EPHA4: variants seen among roughly 807,000 people sequenced by gnomAD.
EPHA4 encodes ephrin type-A receptor 4.
Under a neutral mutation model 108.3 loss-of-function variants are expected in EPHA4, and 19 were observed. That is an observed-to-expected ratio of 0.18 (90% confidence interval 0.12 to 0.26). The LOEUF is 0.26. EPHA4 is among the 10% of genes least tolerant of loss of function. EPHA4 has a pLI of 1.00. For missense variants in EPHA4, 917 were observed against 1,254.0 expected (o/e 0.73, Z 4.06); for synonymous variants, 449 against 455.5 (o/e 0.99, Z 0.18).
intron 3 of EPHA4, among the ~76,000 whole-genome samples, chr2:221,556,358 G>A (rs1165205807): frequency 2.0e-5 from 3 of 151,992 alleles, no homozygotes; most frequent in Non-Finnish European, 4.4e-5. Context: ...GTGCAGTGGT[G>A]AGATCTTGGT....
chr2:221,493,458 A>T (rs1574609148), intron 4 of EPHA4, among the ~76,000 whole-genome samples: 2 of 152,092 alleles, frequency 1.3e-5, no homozygotes, highest in South Asian at 4.2e-4. Context: ...AATAAAAAAT[A>T]AAAAAATAAA....
rs1452981438 is a variant in EPHA4, at chr2:221,420,021, C to T, written c.*1351G>A. ...AAGAGATAGTCAGCTCATATTTAGT[C>T]TAAGAAAAAAATATATTTATATCAC... On this transcript the variant is annotated 3_prime_UTR_variant, in exon 18 of 18. Transcript: ENST00000281821. 6.6e-6 allele frequency: 1 copy of T among 152,594 alleles called. No individual in the cohort carries two copies. Among genetic ancestry groups the T allele is most frequent in the Non-Finnish European group, 1.5e-5 (1 of 68,054 alleles). The allele number at this position is 152,594 out of a possible 1,614,324, so 9.5% of individuals were successfully genotyped here.
intron 9 of EPHA4, among the ~76,000 whole-genome samples, chr2:221,443,815 T>C (rs1248213206): frequency 2.6e-5 from 4 of 152,222 alleles, no homozygotes; most frequent in Non-Finnish European, 5.9e-5. Context: ...CTTTACTGAC[T>C]TCCTGGAATG....
At position 221,421,444 on chromosome 2, in the gene EPHA4, A is replaced by G. The variant is rs376001883; in HGVS notation, c.*820-892T>C. 3.9e-5 allele frequency among the ~76,000 whole-genome samples: 6 copies of G among 152,268 alleles called. No individual in the cohort carries two copies. In the East Asian group the frequency reaches 7.7e-4, roughly 20 times the overall value. On this transcript the variant is annotated intron_variant, in intron 17 of 17. Coordinates refer to ENST00000281821, the MANE Select transcript of EPHA4 (RefSeq NM_004438.5). ...AGAGCCATACTCTCTACATGTAAAC[A>G]GGCAGGAGAGAGGGAACATGGGACA...
rs745528063 is a variant in EPHA4 at position 221,430,049 on chromosome 2, C to A, written c.2599G>T (p.Asp867Tyr). ...ACAATCTGCCCAAATTTAGGCCTGT[C>A]GCTCCTCTCCTTCTGCCAGCAGTCT... ...MLDCWQKERS[D>Y]RPKFGQIVNM... Residue 867 changes from aspartate (D) to tyrosine (Y), a missense_variant, in exon 15 of 18, where the codon GAC becomes TAC. Transcript: ENST00000281821. 6.2e-7 allele frequency: 1 copy of A among 1,614,054 alleles called. No homozygotes were observed. Among genetic ancestry groups the A allele is most frequent in the Non-Finnish European group, 8.5e-7 (1 of 1,180,020 alleles).
At chr2:221,452,749 G>A (rs1011133665) in intron 8 of EPHA4, among the ~76,000 whole-genome samples, 6 of 151,888 alleles carry the variant, frequency 4.0e-5, no homozygotes, top group East Asian at 3.9e-4. Flanking sequence ...AGGAATCATC[G>A]CTAGGTAACT....
intron 13 of EPHA4, among the ~76,000 whole-genome samples, chr2:221,434,899 TA>T (rs11362465): frequency 0.78 from 118,646 of 151,404 alleles, 46,900 homozygotes; most frequent in East Asian, 1. Context: ...GTTATTAAAT[TA>T]AAAAAAAAAG....
At chr2:221,457,706 T>A (rs1691003881) in intron 6 of EPHA4, among the ~76,000 whole-genome samples, 160 bp downstream of exon 6, 1 of 147,682 alleles carries the variant, frequency 6.8e-6, no homozygotes, top group African/African-American at 2.5e-5. Context: ...GGCTAACCCT[T>A]AAACAGAAGG....
intron 3 of EPHA4, among the ~76,000 whole-genome samples, chr2:221,538,057 C>G (rs1693723510): frequency 9.8e-6 from 1 of 102,112 alleles, no homozygotes; most frequent in East Asian, 2.2e-4. Context: ...AAGTATACTG[C>G]CCAGCAAAAC....
chr2:221,544,316 T>C (rs149392671), intron 3 of EPHA4, among the ~76,000 whole-genome samples: 2 of 152,300 alleles, frequency 1.3e-5, no homozygotes, highest in Non-Finnish European at 2.9e-5. Context: ...CTTTCATTTT[T>C]TCATGTTTTA....
At chr2:221,521,845 C>T (rs1445601173) in intron 3 of EPHA4, among the ~76,000 whole-genome samples, 1 of 152,100 alleles carries the variant, frequency 6.6e-6, no homozygotes, top group Non-Finnish European at 1.5e-5. Flanking sequence ...GGCATGATGG[C>T]ACACGCCTGT....
chr2:221,569,187 C>T (rs955983861), intron 1 of EPHA4, among the ~76,000 whole-genome samples: 3 of 151,692 alleles, frequency 2.0e-5, no homozygotes, highest in South Asian at 2.1e-4. Context: ...CAGATGACCA[C>T]ATAACTCATC....
intron 8 of EPHA4, among the ~76,000 whole-genome samples, chr2:221,446,747 T>A (rs1690606119): frequency 6.6e-6 from 1 of 152,170 alleles, no homozygotes; most frequent in Non-Finnish European, 1.5e-5. Context: ...CTGGTTTCAG[T>A]TGCTGCATAC....
intron 3 of EPHA4, among the ~76,000 whole-genome samples, chr2:221,506,765 T>A (rs987652351): frequency 2.0e-5 from 3 of 152,332 alleles, no homozygotes; most frequent in Middle Eastern, 3.4e-3. Context: ...GGGCAAACAT[T>A]TCTGTAAAGA....
rs546402620 is a variant in EPHA4 at position 221,494,655 on chromosome 2, T to C, written c.979+6362A>G. 4.3e-3 allele frequency among the ~76,000 whole-genome samples: 660 copies of C among 152,224 alleles called. 6 individuals are homozygous for C. The highest frequency in any genetic ancestry group is 0.041 in the Middle Eastern group (12 of 294). On this transcript the variant is annotated intron_variant, in intron 4 of 17. Coordinates refer to ENST00000281821, the MANE Select transcript of EPHA4 (RefSeq NM_004438.5). ...AAGTTACTTTAAATATAACATTGAT[T>C]TAGCTTCCCAGTGGGGGAAAAGAAG...
chr2:221,561,355 GAAAC>G (rs1302830979), intron 3 of EPHA4, among the ~76,000 whole-genome samples: 3 of 152,112 alleles, frequency 2.0e-5, no homozygotes, highest in African/African-American at 2.4e-5. Context: ...GGCAATAACA[GAAAC>G]AAACAACCAA....
intron 8 of EPHA4, among the ~76,000 whole-genome samples, chr2:221,452,776 C>T (rs1402268744): frequency 1.3e-5 from 2 of 151,908 alleles, no homozygotes; most frequent in Admixed American, 6.6e-5. Context: ...GCTCAATTCT[C>T]TAAGGTGGGG....
intron 3 of EPHA4, among the ~76,000 whole-genome samples, chr2:221,511,110 G>C (rs1692813705): frequency 6.6e-6 from 1 of 151,980 alleles, no homozygotes; most frequent in Non-Finnish European, 1.5e-5. Context: ...TGTATTTTTG[G>C]AAAAAAACAT....
intron 3 of EPHA4, among the ~76,000 whole-genome samples, chr2:221,534,158 T>C (rs16862808): frequency 0.023 from 3,468 of 152,300 alleles, 110 homozygotes; most frequent in African/African-American, 0.071. Context: ...GATGTCTTTA[T>C]AAGGATTCCC....
Sources: allele counts gnomAD v4.1 joint callset (sites outside exome capture counted in the v4.1 genomes callset), GRCh38; gene constraint gnomAD v4.1.1; transcripts MANE v1.5; gene names NCBI Gene and HGNC (gene_info 2026-07-23, HGNC 2026-07-21).